TDRD9: variants seen among roughly 807,000 people sequenced by gnomAD.
TDRD9 encodes the protein ATP-dependent RNA helicase TDRD9.
A neutral mutation model predicts 172.6 loss-of-function variants in TDRD9; 124 were observed. That is an observed-to-expected ratio of 0.72 (90% CI 0.62 to 0.83). TDRD9 has a LOEUF of 0.83. Among genes scored for constraint, TDRD9 ranks in the 40% least tolerant of loss-of-function variants. TDRD9 has a pLI of 0.00. For synonymous variants in TDRD9, 619 were observed against 617.1 expected (o/e 1.00, Z -0.05); for missense variants, 1,479 against 1,714.1 (o/e 0.86, Z 2.42).
chr14:104,030,787 A>G (rs1430041964), intron 28 of TDRD9, among the ~76,000 whole-genome samples: 1 of 152,180 alleles, frequency 6.6e-6, no homozygotes, highest in African/African-American at 2.4e-5. Context: ...ATGAGAACGC[A>G]TGGACACAGG....
intron 20 of TDRD9, among the ~76,000 whole-genome samples, chr14:104,012,557 G>T (rs2034646997): frequency 6.7e-6 from 1 of 148,982 alleles, no homozygotes; most frequent in Admixed American, 6.7e-5. Context: ...TTGACTTTTA[G>T]TTTACTTCAG....
intron 8 of TDRD9, among the ~76,000 whole-genome samples, chr14:103,988,856 G>A (rs1199060268): frequency 6.6e-6 from 1 of 152,038 alleles, no homozygotes; most frequent in Non-Finnish European, 1.5e-5. Context: ...ACCACACCCT[G>A]CTGATTTTTG....
intron 26 of TDRD9, 73 bp from the exon 27 acceptor site, chr14:104,025,974 C>T (rs1332122321): frequency 1.9e-6 from 2 of 1,061,410 alleles, no homozygotes; most frequent in Non-Finnish European, 2.9e-6. Context: ...GAGCAGACTG[C>T]TGCATTGCTA....
At chr14:103,938,791 C>A (rs1462928689) in intron 1 of TDRD9, among the ~76,000 whole-genome samples, 1 of 151,890 alleles carries the variant, frequency 6.6e-6, no homozygotes, top group African/African-American at 2.4e-5. Context: ...TTATAAATAG[C>A]CTAGTGTATA....
At chr14:104,029,717 A>G (rs931087964) in intron 28 of TDRD9, among the ~76,000 whole-genome samples, 3 of 152,180 alleles carry the variant, frequency 2.0e-5, no homozygotes, top group African/African-American at 7.2e-5. Context: ...TGTGTTGAAT[A>G]TAAATGGTAA....
intron 24 of TDRD9, among the ~76,000 whole-genome samples, chr14:104,022,595 C>T (rs542921683): frequency 1.3e-5 from 2 of 152,234 alleles, no homozygotes; most frequent in African/African-American, 4.8e-5. Flanking sequence ...GGCATGGTCG[C>T]ACACACCTTT....
intron 25 of TDRD9, among the ~76,000 whole-genome samples, chr14:104,025,261 C>T (rs1232590906): frequency 1.3e-5 from 2 of 152,178 alleles, no homozygotes; most frequent in Non-Finnish European, 2.9e-5. Context: ...GCATTACAGG[C>T]GTGAGCCACT....
intron 1 of TDRD9, among the ~76,000 whole-genome samples, chr14:103,952,216 ATATATTTTTTTTTTTTTTTTTT>A (rs2031949873): frequency 3.4e-4 from 17 of 49,910 alleles, no homozygotes; most frequent in African/African-American, 1.7e-3. Context: ...ATATATATAT[ATATATTTTTTTTTTTTTTTTTT>A]TTTTTTTTTT....
intron 5 of TDRD9, among the ~76,000 whole-genome samples, 180 bp from the exon 6 acceptor site, chr14:103,970,361 G>GGTCT: frequency 6.6e-6 from 1 of 152,270 alleles, no homozygotes; most frequent in African/African-American, 2.4e-5. Context: ...GGTGGTCTGT[G>GGTCT]GTCTGTTGGC....
intron 1 of TDRD9, chr14:103,941,617 T>A (rs2031240709): frequency 6.5e-7 from 1 of 1,535,218 alleles, no homozygotes; most frequent in Non-Finnish European, 8.7e-7. Flanking sequence ...AGAGTCTTTG[T>A]CACTATGTCT....
chr14:103,946,218 C>T (rs752491124), intron 1 of TDRD9, among the ~76,000 whole-genome samples: 2 of 152,196 alleles, frequency 1.3e-5, no homozygotes, highest in Non-Finnish European at 2.9e-5. Context: ...AATCCTCCCA[C>T]CTCAGCCTCC....
Position 104,008,456 on chromosome 14 carries a change from G to T in TDRD9, c.2096G>T (p.Arg699Ile). The T allele has an allele frequency of 6.4e-7, 1 of 1,564,430 alleles. No individual in the cohort carries two copies. The highest frequency in any genetic ancestry group is 8.8e-7 in the Non-Finnish European group (1 of 1,137,446). The change falls in exon 20 of 36, where the codon AGA (arginine) becomes ATA (isoleucine). Residue 699 changes from arginine (R) to isoleucine (I), a missense_variant. Physicochemically the swap from Arg to Ile is moderately conservative, Grantham distance 97. Around this residue, in one of 3 missense-constraint regions of TDRD9, gnomAD observed 1,413 missense variants for 1,649.1 expected, o/e 0.86. Transcript: ENST00000409874. ...CGGTTAAATTACATTCAAATCAAGAGAATTAGAGAGGTAAGTTAAGTTTTT... is the reference window on the plus strand; with the variant it reads ...CGGTTAAATTACATTCAAATCAAGATAATTAGAGAGGTAAGTTAAGTTTTT... Reference protein sequence around the residue: ...WGRLNYIQIKRIREVAELYEE... With the variant: ...WGRLNYIQIKIIREVAELYEE...
At position 104,018,056 on chromosome 14, in the gene TDRD9, T is replaced by C. The variant is rs1219581320; in HGVS notation, c.2332-36T>C. ...AATGTTGAAACTATTTTGTTAGCTC[T>C]AGTAATCTGCTCTGATTTTGTGTTA... On this transcript the variant is annotated intron_variant, in intron 22 of 35. Transcript: ENST00000409874. 4 of 1,252,782 alleles carry C rather than the reference T, an allele frequency of 3.2e-6. No individual in the cohort carries two copies. The South Asian group carries it at 3.8e-5, about 12-fold the overall frequency. 77.6% of individuals were successfully genotyped at this position (1,252,782 alleles called of 1,614,324 possible).
At chr14:103,940,979 A>G in intron 1 of TDRD9, 1 of 1,535,426 alleles carries the variant, frequency 6.5e-7, no homozygotes, top group Non-Finnish European at 8.7e-7. Flanking sequence ...ATGCTCCCTG[A>G]GTCCTCCAGG....
chr14:103,943,569 C>T (rs1458159759), intron 1 of TDRD9, among the ~76,000 whole-genome samples: 6 of 149,256 alleles, frequency 4.0e-5, no homozygotes, highest in African/African-American at 9.9e-5. Context: ...CAGGCTGGTC[C>T]GTAAACTGGG....
At chr14:103,940,099 A>G (rs1309320) in intron 1 of TDRD9, among the ~76,000 whole-genome samples, 81,337 of 151,872 alleles carry the variant, frequency 0.54, 23,060 homozygotes, top group South Asian at 0.66. Context: ...CAGATTTTGT[A>G]TATTAAATAT....
At chr14:103,969,201 A>T (rs914330405) in intron 5 of TDRD9, among the ~76,000 whole-genome samples, 4 of 151,056 alleles carry the variant, frequency 2.6e-5, no homozygotes, top group African/African-American at 9.7e-5. Context: ...GCTATGGAAA[A>T]GGTGCCTCCT....
Position 104,052,236 on chromosome 14 carries a change from G to T in TDRD9, c.*154G>T, listed in dbSNP as rs967746407. ...CTTTTCTTTCTTCTTTTCTCTTTGG[G>T]TGATAGTCAGAGAGTGGTGTTTTTG... On this transcript the variant is annotated 3_prime_UTR_variant, in exon 36 of 36. Coordinates refer to ENST00000409874, the MANE Select transcript of TDRD9 (RefSeq NM_153046.3). 1 of 505,092 alleles carries T rather than the reference G, an allele frequency of 2.0e-6. No homozygotes were observed. The highest frequency in any genetic ancestry group is 3.5e-6 in the Non-Finnish European group (1 of 282,424). The allele number at this position is 505,092 out of a possible 1,614,324, so 31.3% of individuals were successfully genotyped here.
chr14:103,968,200 G>T lies in TDRD9; in HGVS notation c.765+1369G>T, dbSNP rs760161091. 7.5e-4 allele frequency among the ~76,000 whole-genome samples: 114 copies of T among 152,292 alleles called. No homozygotes were observed. In the Middle Eastern group the frequency reaches 0.017, roughly 23 times the overall value. ...TGAGCAAAAGTTAGCTCCTCTCTTC[G>T]AGAGCTTGCCCTACTGGGGAGCGGT... is the stretch of plus-strand genomic sequence containing the variant. On this transcript the variant is annotated intron_variant, in intron 5 of 35. Transcript: ENST00000409874.
Sources: allele counts gnomAD v4.1 joint callset (sites outside exome capture counted in the v4.1 genomes callset), GRCh38; gene constraint gnomAD v4.1.1; regional missense constraint gnomAD v4.1.1; transcripts MANE v1.5; gene names NCBI Gene and HGNC (gene_info 2026-07-23, HGNC 2026-07-21).